Variants in LAMA2 observed in about 807,000 individuals in gnomAD.
LAMA2 encodes laminin subunit alpha 2, also known as laminin subunit alpha-2.
Under a neutral mutation model 364.8 loss-of-function variants are expected in LAMA2, and 269 were observed. The ratio of observed to expected loss-of-function variants is 0.74; its 90% CI spans 0.67 to 0.82. The LOEUF (loss-of-function observed/expected upper bound fraction) is 0.82. Ranked by LOEUF, LAMA2 falls within the 40% of genes least tolerant of loss-of-function variation. LAMA2 has a pLI of 0.00. For missense variants in LAMA2, 3,807 were observed against 3,873.2 expected (o/e 0.98, Z 0.45); for synonymous variants, 1,379 against 1,370.6 (o/e 1.01, Z -0.14).
chr6:128,944,697 G>T (rs1449621505), intron 1 of LAMA2, among the ~76,000 whole-genome samples: 1 of 152,054 alleles, frequency 6.6e-6, no homozygotes, highest in Non-Finnish European at 1.5e-5. Context: ...GATTCTACAG[G>T]CTGTACAGGA....
At chr6:129,276,403 T>C (rs979826664) in intron 17 of LAMA2, among the ~76,000 whole-genome samples, 1 of 152,124 alleles carries the variant, frequency 6.6e-6, no homozygotes, top group African/African-American at 2.4e-5. Flanking sequence ...AAGCAATTCA[T>C]TATATTTTAT....
intron 38 of LAMA2, 101 bp from the exon 39 acceptor site, chr6:129,402,223 A>C (rs1359793158): frequency 3.2e-6 from 3 of 932,502 alleles, no homozygotes; most frequent in African/African-American, 1.7e-5. Flanking sequence ...AAAAAAAAAA[A>C]AAAACTAAAC....
At chr6:129,143,650 A>G (rs1778256069) in intron 4 of LAMA2, among the ~76,000 whole-genome samples, 1 of 152,010 alleles carries the variant, frequency 6.6e-6, no homozygotes, top group African/African-American at 2.4e-5. Context: ...CTTGGAAGAG[A>G]GAAATATAGG....
intron 42 of LAMA2, among the ~76,000 whole-genome samples, chr6:129,439,824 T>TCA (rs1562565005): frequency 2.6e-5 from 2 of 76,700 alleles, no homozygotes; most frequent in East Asian, 9.0e-4. Context: ...CATCAATTGG[T>TCA]CATATATATA....
intron 44 of LAMA2, among the ~76,000 whole-genome samples, 168 bp from the exon 45 acceptor site, chr6:129,445,499 T>C (rs183214799): frequency 6.6e-6 from 1 of 152,352 alleles, no homozygotes; most frequent in Admixed American, 6.5e-5. Context: ...TGCTTGAGTC[T>C]CAACTAAAAT....
At chr6:129,378,173 G>T (rs562663524) in intron 34 of LAMA2, among the ~76,000 whole-genome samples, 11 of 152,274 alleles carry the variant, frequency 7.2e-5, no homozygotes, top group African/African-American at 2.6e-4. Flanking sequence ...GGATAAATGA[G>T]AAGTTATTTG....
chr6:129,493,254 G>C (rs547287678), intron 58 of LAMA2, among the ~76,000 whole-genome samples: 3 of 152,260 alleles, frequency 2.0e-5, no homozygotes, highest in South Asian at 2.1e-4. Flanking sequence ...TACACACAGA[G>C]ACACACAACT....
At chr6:129,227,578 T>C (rs1784387364) in intron 12 of LAMA2, among the ~76,000 whole-genome samples, 1 of 152,176 alleles carries the variant, frequency 6.6e-6, no homozygotes, top group East Asian at 1.9e-4. Flanking sequence ...TCTGTTGGAG[T>C]TTGCTGGAGG....
intron 51 of LAMA2, among the ~76,000 whole-genome samples, chr6:129,471,857 G>A (rs1214836888): frequency 4.6e-5 from 7 of 151,946 alleles, no homozygotes; most frequent in Non-Finnish European, 1.0e-4. Flanking sequence ...ATTGGTATGT[G>A]TATTTTAGTC....
At chr6:129,200,450 A>G (rs987477890) in intron 12 of LAMA2, among the ~76,000 whole-genome samples, 32 of 145,040 alleles carry the variant, frequency 2.2e-4, no homozygotes, top group African/African-American at 7.8e-4. Flanking sequence ...ACATATATGT[A>G]TATATATACA....
At chr6:129,282,736 T>C (rs2114399193) in intron 18 of LAMA2, among the ~76,000 whole-genome samples, 1 of 152,306 alleles carries the variant, frequency 6.6e-6, no homozygotes, top group East Asian at 1.9e-4. Context: ...TCATTCAGCT[T>C]CTTTCATTCC....
intron 14 of LAMA2, among the ~76,000 whole-genome samples, chr6:129,257,952 C>A (rs144607362): frequency 6.6e-6 from 1 of 152,108 alleles, no homozygotes; most frequent in East Asian, 1.9e-4. Flanking sequence ...GTTTTCCATT[C>A]ATCTATTCAT....
At chr6:129,243,864 G>C (rs1175962241) in intron 12 of LAMA2, among the ~76,000 whole-genome samples, 1 of 151,432 alleles carries the variant, frequency 6.6e-6, no homozygotes, top group East Asian at 1.9e-4. Context: ...AAAAGAAGAA[G>C]AAGAAGGAGG....
intron 4 of LAMA2, among the ~76,000 whole-genome samples, chr6:129,137,520 T>C (rs1777870307): frequency 6.6e-6 from 1 of 152,100 alleles, no homozygotes; most frequent in Non-Finnish European, 1.5e-5. Flanking sequence ...ATATAATATT[T>C]TTAAAAATAA....
At chr6:129,129,940 A>T (rs111711642) in intron 4 of LAMA2, among the ~76,000 whole-genome samples, 5,933 of 150,540 alleles carry the variant, frequency 0.039, 402 homozygotes, top group African/African-American at 0.13. Flanking sequence ...AAAAAAAAAA[A>T]AAATAACATA....
rs1780807653 is a variant in LAMA2 at position 129,179,538 on chromosome 6, T to TA, written c.1467+1673dup. On this transcript the variant is annotated intron_variant, in intron 10 of 64. Transcript: ENST00000421865. ...CCAAGGGAAAGCCCCTTGAGCTACTTACTGCCTGCTCTCAGCCGAACTCAA... is the reference window on the plus strand; with the variant it reads ...CCAAGGGAAAGCCCCTTGAGCTACTTAACTGCCTGCTCTCAGCCGAACTCAA... Among the ~76,000 whole-genome samples the TA allele has an allele frequency of 2.0e-5, 3 of 152,292 alleles. No individual in the cohort carries two copies. In the East Asian group the frequency reaches 5.8e-4, roughly 29 times the overall value.
intron 22 of LAMA2, among the ~76,000 whole-genome samples, chr6:129,311,017 A>T (rs962538721): frequency 6.6e-6 from 1 of 152,108 alleles, no homozygotes; most frequent in African/African-American, 2.4e-5. Flanking sequence ...AGCTAGTCAG[A>T]AGGGTGCCTA....
rs779423546 is a variant in LAMA2, at chr6:128,883,303, G to C, written c.58G>C (p.Val20Leu). The change falls in exon 1 of 65, where the codon GTA becomes CTA. Residue 20 changes from valine to leucine, a missense_variant. Physicochemically the swap from Val to Leu is conservative, Grantham distance 32. Transcript: ENST00000421865. ...GCTGCTCTCCGGAGGCCTCGGGGGC[G>C]TACAGGCGCAGCGGCCGCAGCAGCA... ...LLLLSGGLGG[V>L]QAQRPQQQRQ... The C allele has an allele frequency of 6.3e-7, 1 of 1,593,010 alleles. No individual in the cohort carries two copies.
chr6:129,228,796 C>T (rs1784494022), intron 12 of LAMA2, among the ~76,000 whole-genome samples: 1 of 152,160 alleles, frequency 6.6e-6, no homozygotes, highest in Admixed American at 6.5e-5. Flanking sequence ...ACACCTTTCT[C>T]CAGCTGTGGC....
Sources: allele counts gnomAD v4.1 joint callset (sites outside exome capture counted in the v4.1 genomes callset), GRCh38; gene constraint gnomAD v4.1.1; transcripts MANE v1.5; gene names NCBI Gene and HGNC (gene_info 2026-07-23, HGNC 2026-07-21).